Variants in SHANK2 observed in about 807,000 individuals in gnomAD.
SHANK2 encodes SH3 and multiple ankyrin repeat domains 2, also known as SH3 and multiple ankyrin repeat domains protein 2.
Under a neutral mutation model 133.7 loss-of-function variants are expected in SHANK2, and 43 were observed. That is an observed-to-expected ratio of 0.32 (90% confidence interval 0.25 to 0.41). The LOEUF (loss-of-function observed/expected upper bound fraction) is 0.41. Among genes scored for constraint, SHANK2 ranks in the 10% least tolerant of loss-of-function variants. The pLI is 1.00. For missense variants in SHANK2, 1,994 were observed against 2,235.8 expected (o/e 0.89, Z 2.18); for synonymous variants, 1,017 against 952.8 (o/e 1.07, Z -1.24).
chr11:70,835,305 T>TCC (rs1948795771), intron 11 of SHANK2, among the ~76,000 whole-genome samples: 2 of 152,244 alleles, frequency 1.3e-5, no homozygotes, highest in South Asian at 4.1e-4. Flanking sequence ...TACCTGGGCC[T>TCC]CCCACAGGGG....
chr11:70,641,536 T>C (rs1555006359), intron 17 of SHANK2, among the ~76,000 whole-genome samples: 3 of 152,064 alleles, frequency 2.0e-5, no homozygotes, highest in Non-Finnish European at 2.9e-5. Context: ...CAGGGAGGAA[T>C]GACCGCCAGT....
At chr11:71,131,009 A>G (rs1952292594) in intron 3 of SHANK2, among the ~76,000 whole-genome samples, 1 of 152,238 alleles carries the variant, frequency 6.6e-6, no homozygotes, top group South Asian at 2.1e-4. Flanking sequence ...CAAGTTCTGC[A>G]TGATGCATTT....
intron 14 of SHANK2, among the ~76,000 whole-genome samples, chr11:70,787,413 C>A (rs1490200448): frequency 6.7e-6 from 1 of 150,172 alleles, no homozygotes; most frequent in Non-Finnish European, 1.5e-5. Flanking sequence ...ACCGTGACCA[C>A]CACCACCACC....
intron 15 of SHANK2, among the ~76,000 whole-genome samples, chr11:70,678,444 T>A (rs1269724861): frequency 6.6e-6 from 1 of 151,802 alleles, no homozygotes; most frequent in Non-Finnish European, 1.5e-5. Context: ...TCCTGCCTGT[T>A]CTTTATTAAA....
intron 17 of SHANK2, among the ~76,000 whole-genome samples, chr11:70,617,495 G>A (rs113871494): frequency 5.3e-5 from 1 of 18,978 alleles, no homozygotes; most frequent in East Asian, 8.6e-4. Flanking sequence ...TTGTCAAAAC[G>A]GGCAGTCAGA....
chr11:70,778,154 G>A (rs1947405246), intron 14 of SHANK2, among the ~76,000 whole-genome samples: 1 of 152,210 alleles, frequency 6.6e-6, no homozygotes, highest in Non-Finnish European at 1.5e-5. Context: ...CATAAATCAG[G>A]AGTCATGGAC....
intron 2 of SHANK2, among the ~76,000 whole-genome samples, chr11:71,161,693 T>TA (rs879996151): frequency 1.3e-5 from 2 of 152,216 alleles, no homozygotes; most frequent in Admixed American, 1.3e-4. Flanking sequence ...TCCCACCTTT[T>TA]TGGACTGAAC....
At chr11:70,926,858 G>T (rs1181007813) in intron 10 of SHANK2, among the ~76,000 whole-genome samples, 1 of 152,164 alleles carries the variant, frequency 6.6e-6, no homozygotes, top group African/African-American at 2.4e-5. Flanking sequence ...CACAAATATG[G>T]AATCTGTGGA....
intron 13 of SHANK2, among the ~76,000 whole-genome samples, chr11:70,806,509 C>A (rs1295970417): frequency 6.6e-6 from 1 of 152,120 alleles, no homozygotes; most frequent in Non-Finnish European, 1.5e-5. Flanking sequence ...TTGACAATGG[C>A]CCCCCCAGAG....
intron 3 of SHANK2, among the ~76,000 whole-genome samples, chr11:71,140,081 TC>T (rs1952524491): frequency 6.6e-6 from 1 of 152,174 alleles, no homozygotes; most frequent in African/African-American, 2.4e-5. Context: ...CTGTCTCGTG[TC>T]CCTGGCTCCA....
intron 17 of SHANK2, among the ~76,000 whole-genome samples, chr11:70,504,177 G>A (rs1211929789): frequency 1.3e-5 from 2 of 152,230 alleles, no homozygotes; most frequent in African/African-American, 4.8e-5. Context: ...ACACTGTGCT[G>A]TACGCATATC....
chr11:70,947,132 A>AACACACAC (rs144004521), intron 10 of SHANK2, among the ~76,000 whole-genome samples: 59 of 126,582 alleles, frequency 4.7e-4, no homozygotes, highest in African/African-American at 1.6e-3. Flanking sequence ...GCACCTCTCC[A>AACACACAC]ACACACACAC....
At chr11:70,719,465 T>C (rs1591783838) in intron 14 of SHANK2, among the ~76,000 whole-genome samples, 1 of 152,278 alleles carries the variant, frequency 6.6e-6, no homozygotes, top group African/African-American at 2.4e-5. Flanking sequence ...GGCTTCACTC[T>C]CATGGGTGGC....
At chr11:70,951,033 G>A (rs1453393817) in intron 10 of SHANK2, 2 of 258,984 alleles carry the variant, frequency 7.7e-6, no homozygotes, top group East Asian at 2.3e-4. Flanking sequence ...CAAACTTCTG[G>A]ACACTCCCTT....
At chr11:70,883,726 G>A (rs187084075) in intron 11 of SHANK2, among the ~76,000 whole-genome samples, 34 of 152,360 alleles carry the variant, frequency 2.2e-4, no homozygotes, top group African/African-American at 7.7e-4. Flanking sequence ...GCACAGAGAA[G>A]GGGTGGGCAA....
intron 17 of SHANK2, among the ~76,000 whole-genome samples, chr11:70,540,329 G>A (rs1202871758): frequency 1.3e-5 from 2 of 151,774 alleles, no homozygotes; most frequent in Non-Finnish European, 1.5e-5. Context: ...GGGCGCCCAC[G>A]GGCAGGTCAA....
At chr11:71,079,079 C>T (rs1951257579) in intron 8 of SHANK2, among the ~76,000 whole-genome samples, 2 of 152,252 alleles carry the variant, frequency 1.3e-5, no homozygotes, top group Non-Finnish European at 2.9e-5. Context: ...GTCGGTGTGA[C>T]CTCCACAATG....
Position 70,487,311 on chromosome 11 carries a change from C to A in SHANK2, c.2982G>T (p.Lys994Asn). 1 of 1,614,206 alleles carries A rather than the reference C, an allele frequency of 6.2e-7. No individual in the cohort carries two copies. Among genetic ancestry groups the A allele is most frequent in the South Asian group, 1.1e-5 (1 of 91,090 alleles). ...GGACGTAGACGGCTTTGCTGGCGAT[C>A]TTCCCCACCTCTGAGTATGGGTTTT... is the stretch of plus-strand genomic sequence containing the variant. Reference protein sequence around the residue: ...MPENPYSEVGKIASKAVYVPA... With the variant: ...MPENPYSEVGNIASKAVYVPA... Residue 994 changes from lysine to asparagine, a missense_variant, in exon 25 of 26, where the codon AAG (lysine) becomes AAT (asparagine). Around this residue, in one of 5 missense-constraint regions of SHANK2, gnomAD observed 488 missense variants for 642.6 expected, o/e 0.76. Coordinates refer to ENST00000601538, the MANE Select transcript of SHANK2 (RefSeq NM_012309.5). This position sits in a 1 kb window ranked among gnomAD's most constrained non-coding sequence, Gnocchi z 5.8.
intron 11 of SHANK2, chr11:70,872,980 T>G (rs111298432): frequency 2.8e-4 from 131 of 470,982 alleles, no homozygotes; most frequent in African/African-American, 2.3e-3. Context: ...GCCCCAAACA[T>G]TACAAAAGCT....
Sources: gnomAD v4.1 joint callset for allele counts (sites outside exome capture counted in the v4.1 genomes callset) on GRCh38, gnomAD v4.1.1 for gene constraint, gnomAD v4.1.1 regional missense constraint, Gnocchi (gnomAD v3.1) non-coding constraint, MANE v1.5 for transcripts, NCBI Gene and HGNC (gene_info 2026-07-23, HGNC 2026-07-21) for gene names.